ZSCAN20: variants seen among roughly 807,000 people sequenced by gnomAD.
ZSCAN20 encodes zinc finger and SCAN domain containing 20.
Under a neutral mutation model 97.1 loss-of-function variants are expected in ZSCAN20, and 39 were observed. That is an observed-to-expected ratio of 0.40 (90% CI 0.31 to 0.52). The LOEUF (loss-of-function observed/expected upper bound fraction) is 0.52. ZSCAN20 is among the 20% of genes least tolerant of loss of function. ZSCAN20 has a pLI of 0.49. For missense variants in ZSCAN20, 1,115 were observed against 1,290.4 expected, an observed-to-expected ratio of 0.86 and a Z score of 2.08; for synonymous variants, 456 against 467.3, an observed-to-expected ratio of 0.98 and a Z score of 0.31.
intron 5 of ZSCAN20, 54 bp downstream of exon 5, chr1:33,489,656 T>A (rs931547462): frequency 2.6e-6 from 4 of 1,540,310 alleles, no homozygotes; most frequent in Non-Finnish European, 3.6e-6. Context: ...ATACACCCAG[T>A]TCCCAAAGAG....
chr1:33,493,646 A>G lies in ZSCAN20; in HGVS notation c.1873+31A>G. On this transcript the variant is annotated intron_variant, in intron 7 of 7. Transcript: ENST00000684572. The surrounding 1 kb of genome is among the most constrained non-coding windows in gnomAD (Gnocchi z 4.3). ...CCTGGAGTAATTGGATGTTCTCAAA[A>G]TCTGTGGGCATGTGGAGAGAATGAG... The G allele has an allele frequency of 2.0e-6, 3 of 1,517,924 alleles. No homozygotes were observed. Among genetic ancestry groups the G allele is most frequent in the Non-Finnish European group, 2.6e-6 (3 of 1,134,800 alleles). 94.0% of individuals were successfully genotyped at this position (1,517,924 alleles called of 1,614,324 possible).
At chr1:33,476,269 C>T (rs1403544729) in intron 1 of ZSCAN20, among the ~76,000 whole-genome samples, 2 of 152,304 alleles carry the variant, frequency 1.3e-5, no homozygotes, top group South Asian at 2.1e-4. Flanking sequence ...TCCCTCTCCC[C>T]ACAATAGCCT....
At chr1:33,486,303 C>G (rs1193023244) in intron 2 of ZSCAN20, among the ~76,000 whole-genome samples, 1 of 152,220 alleles carries the variant, frequency 6.6e-6, no homozygotes, top group Non-Finnish European at 1.5e-5. Context: ...GTTGTCCACA[C>G]TGACCTTCCA....
Position 33,491,007 on chromosome 1 carries a change from T to G in ZSCAN20, c.767-18T>G. On this transcript the variant is annotated intron_variant, in intron 5 of 7. Coordinates refer to ENST00000684572, the MANE Select transcript of ZSCAN20 (RefSeq NM_001377376.1). This position sits in a 1 kb window ranked among gnomAD's most constrained non-coding sequence, Gnocchi z 4.3. ...TCAACAGACCATTTCTACTCTGTCA[T>G]TTCTCTTCCTTTTGTAGGAGTTCCA... is the stretch of plus-strand genomic sequence containing the variant. The G allele has an allele frequency of 6.3e-7, 1 of 1,579,668 alleles. No individual in the cohort carries two copies. Among genetic ancestry groups the G allele is most frequent in the Non-Finnish European group, 8.6e-7 (1 of 1,165,934 alleles).
chr1:33,482,914 G>A (rs530695536), intron 2 of ZSCAN20, among the ~76,000 whole-genome samples: 1 of 152,304 alleles, frequency 6.6e-6, no homozygotes, highest in South Asian at 2.1e-4. Flanking sequence ...TGGGTTGTTT[G>A]TCTTCTTACT....
intron 1 of ZSCAN20, 41 bp from the exon 2 acceptor site, chr1:33,479,138 A>C (rs1570546294): frequency 1.3e-6 from 1 of 785,950 alleles, no homozygotes; most frequent in Admixed American, 2.7e-5. Flanking sequence ...AAGCTTCTGC[A>C]TCCTTTTGCT....
chr1:33,495,169 A>C lies in ZSCAN20; in HGVS notation c.2825A>C (p.Glu942Ala). 5.0e-6 allele frequency: 8 copies of C among 1,614,018 alleles called. No individual in the cohort carries two copies. Among genetic ancestry groups the C allele is most frequent in the Non-Finnish European group, 6.8e-6 (8 of 1,179,930 alleles). Residue 942 changes from glutamate to alanine, a missense_variant, in exon 8 of 8, where the codon GAG becomes GCG. By Grantham distance (107) the Glu-to-Ala change is moderately radical. This residue lies in a region of ZSCAN20 where 554 missense variants were observed against 584.9 expected (regional missense o/e 0.95). Coordinates refer to ENST00000684572, the MANE Select transcript of ZSCAN20 (RefSeq NM_001377376.1). Reference sequence around the variant, plus strand: ...GTGGACTGTGGGAAGTGCTTCAGTGAGCGCTCCAAGCTCATCACACACCAG... The same window carrying C: ...GTGGACTGTGGGAAGTGCTTCAGTGCGCGCTCCAAGCTCATCACACACCAG... ...KCVDCGKCFS[E>A]RSKLITHQRV...
chr1:33,486,066 G>C (rs2148460174), intron 2 of ZSCAN20, among the ~76,000 whole-genome samples: 1 of 152,264 alleles, frequency 6.6e-6, no homozygotes, highest in Admixed American at 6.5e-5. Context: ...CCGACAGTTA[G>C]GTTAGGCTTT....
At position 33,495,287 on chromosome 1, in the gene ZSCAN20, T is replaced by C. The variant is rs1449788347; in HGVS notation, c.2943T>C (p.His981=). Residue 981 remains histidine (H), a synonymous_variant, in exon 8 of 8, where the codon CAT becomes CAC. Coordinates refer to ENST00000684572, the MANE Select transcript of ZSCAN20 (RefSeq NM_001377376.1). ...RSNLITHQRI[H]TGEKPYKCRE... ...ACCTCATTACTCACCAGAGGATTCATACGGGAGAGAAGCCGTATAAGTGCA... is the reference window on the plus strand; with the variant it reads ...ACCTCATTACTCACCAGAGGATTCACACGGGAGAGAAGCCGTATAAGTGCA... 7 of 1,611,904 alleles carry C rather than the reference T, an allele frequency of 4.3e-6. No homozygotes were observed. The highest frequency in any genetic ancestry group is 5.9e-6 in the Non-Finnish European group (7 of 1,178,726).
At chr1:33,489,486 T>C (rs1021511910) in intron 4 of ZSCAN20, 32 bp from the exon 5 acceptor site, 8 of 1,610,264 alleles carry the variant, frequency 5.0e-6, no homozygotes, top group Non-Finnish European at 6.8e-6. Context: ...AGGTCAGTGA[T>C]GTTTGGGGTC....
rs1184854220 is a variant in ZSCAN20, at chr1:33,496,706, G to C, written c.*1230G>C. Among the ~76,000 whole-genome samples, 4 of 152,040 alleles carry C rather than the reference G, an allele frequency of 2.6e-5. No individual in the cohort carries two copies. The highest frequency in any genetic ancestry group is 7.2e-5 in the African/African-American group (3 of 41,388). ...TTTGGCAAGCAGAAGCTTTGTTCTTGGTCCCCATGCCAAGACTGAGGTGGG... is the reference window on the plus strand; with the variant it reads ...TTTGGCAAGCAGAAGCTTTGTTCTTCGTCCCCATGCCAAGACTGAGGTGGG... On this transcript the variant is annotated 3_prime_UTR_variant, in exon 8 of 8. Transcript: ENST00000684572.
In ZSCAN20 at chr1:33,493,117, G is replaced by A; in HGVS notation, c.1445-70G>A. The A allele has an allele frequency of 5.4e-6, 8 of 1,485,056 alleles. No homozygotes were observed. In the South Asian group the frequency reaches 8.7e-5, roughly 16 times the overall value. The allele number at this position is 1,485,056 out of a possible 1,614,324, so 92.0% of individuals were successfully genotyped here. A position where few individuals can be genotyped will look rare whatever the true frequency, so the allele number is the denominator to read the frequency against. ...GTTCTAGGTATTTTGAAGGGCAGGT[G>A]ACTTTATTCTCTGATGACCTAGGCA... is the stretch of plus-strand genomic sequence containing the variant. On this transcript the variant is annotated intron_variant, in intron 6 of 7. Transcript: ENST00000684572. This position sits in a 1 kb window ranked among gnomAD's most constrained non-coding sequence, Gnocchi z 4.3.
At position 33,479,466 on chromosome 1, in the gene ZSCAN20, A is replaced by C; in HGVS notation, c.178A>C (p.Arg60=). 1 of 1,614,182 alleles carries C rather than the reference A, an allele frequency of 6.2e-7. No individual in the cohort carries two copies. The highest frequency in any genetic ancestry group is 8.5e-7 in the Non-Finnish European group (1 of 1,179,988). The change falls in exon 2 of 8, where the codon AGG becomes CGG. Residue 60 remains arginine, a synonymous_variant. Transcript: ENST00000684572. ...CCAGCGCTTCAGGCAATTCCAATAC[A>C]GGGATGCAGCTGGACCCCACGAGGC... is the stretch of plus-strand genomic sequence containing the variant. ...SRQRFRQFQY[R]DAAGPHEAFS...
chr1:33,484,552 G>A (rs1275639417), intron 2 of ZSCAN20, among the ~76,000 whole-genome samples: 1 of 151,376 alleles, frequency 6.6e-6, no homozygotes, highest in Non-Finnish European at 1.5e-5. Flanking sequence ...ACTTGGTTGT[G>A]GTGTGTAATT....
At position 33,494,335 on chromosome 1, in the gene ZSCAN20, G is replaced by A. The variant is rs1212069886; in HGVS notation, c.1991G>A (p.Gly664Glu). The A allele has an allele frequency of 2.5e-6, 4 of 1,614,074 alleles. No homozygotes were observed. The African/African-American group carries it at 4.0e-5, about 16-fold the overall frequency. The change falls in exon 8 of 8, where the codon GGA becomes GAA. Residue 664 changes from glycine to glutamate, a missense_variant. By Grantham distance (98) the Gly-to-Glu change is moderately conservative (BLOSUM62 -2). Coordinates refer to ENST00000684572, the MANE Select transcript of ZSCAN20 (RefSeq NM_001377376.1). ...GCTGTTTGCCAACCTCTTGACTGGG[G>A]AGAAGACAGTGAAAATGAAAATGAA... is the stretch of plus-strand genomic sequence containing the variant. Reference protein sequence around the residue: ...TEAVCQPLDWGEDSENENEDE... With the variant: ...TEAVCQPLDWEEDSENENEDE...
In ZSCAN20 at chr1:33,497,961, G is replaced by T. The variant is rs929945059; in HGVS notation, c.*2485G>T. Among the ~76,000 whole-genome samples, 2 of 152,162 alleles carry T rather than the reference G, an allele frequency of 1.3e-5. No homozygotes were observed. Among genetic ancestry groups the T allele is most frequent in the Admixed American group, 1.3e-4 (2 of 15,278 alleles). On this transcript the variant is annotated 3_prime_UTR_variant, in exon 8 of 8. Transcript: ENST00000684572. The stretch of plus-strand genomic sequence containing the variant: ...ATGTCGGCTAGCAGCTAGGGGAGAG[G>T]CTAGGACTAGAGATCTGTGTATGCG...
rs769484599 is a variant in ZSCAN20 at position 33,491,868 on chromosome 1, C to A, written c.1444+166C>A. 39 of 624,656 alleles carry A rather than the reference C, an allele frequency of 6.2e-5. No homozygotes were observed. The highest frequency in any genetic ancestry group is 9.4e-5 in the Non-Finnish European group (38 of 402,562). The allele number at this position is 624,656 out of a possible 1,614,324, so 38.7% of individuals were successfully genotyped here. On this transcript the variant is annotated intron_variant, in intron 6 of 7. Coordinates refer to ENST00000684572, the MANE Select transcript of ZSCAN20 (RefSeq NM_001377376.1). This position sits in a 1 kb window ranked among gnomAD's most constrained non-coding sequence, Gnocchi z 4.3. ...AAACTCCAACTTTCTTTTCCCATGA[C>A]CAAGTCTCTTTGCAAAAGTCTTCTT...
At chr1:33,488,741 G>A (rs1652471465) in intron 3 of ZSCAN20, 90 bp downstream of exon 3, 2 of 1,437,196 alleles carry the variant, frequency 1.4e-6, no homozygotes, top group East Asian at 4.8e-5. Context: ...AGAAGGATGT[G>A]CAGAATTCAA....
chr1:33,501,263 G>A lies in ZSCAN20; in HGVS notation c.*5787G>A, dbSNP rs544259237. On this transcript the variant is annotated 3_prime_UTR_variant, in exon 8 of 8. Transcript: ENST00000684572. ...ATCAGTAGTAGGGGCAGGAGCTCAC[G>A]CTAAACCCGGTTGGTGTGTCCTGGA... 9.0e-4 allele frequency among the ~76,000 whole-genome samples: 137 copies of A among 152,324 alleles called. No homozygotes were observed. The highest frequency in any genetic ancestry group is 1.8e-3 in the Admixed American group (27 of 15,306).
Sources: gnomAD v4.1 joint callset for allele counts (sites outside exome capture counted in the v4.1 genomes callset) on GRCh38, gnomAD v4.1.1 for gene constraint, gnomAD v4.1.1 regional missense constraint, Gnocchi (gnomAD v3.1) non-coding constraint, MANE v1.5 for transcripts, NCBI Gene and HGNC (gene_info 2026-07-23, HGNC 2026-07-21) for gene names.